Variants in FGD5 observed in about 807,000 individuals in gnomAD.
FGD5 encodes FYVE, RhoGEF and PH domain containing 5.
FGD5 carries 28 observed loss-of-function variants against 133.4 expected under a neutral mutation model. The ratio of observed to expected loss-of-function variants is 0.21; its 90% CI spans 0.16 to 0.29. FGD5 has a LOEUF of 0.29. Ranked by LOEUF, FGD5 falls within the 10% of genes least tolerant of loss-of-function variation. FGD5 has a pLI of 1.00. For synonymous variants in FGD5, 810 were observed against 776.5 expected (o/e 1.04, Z -0.72); for missense variants, 1,858 against 1,895.2 (o/e 0.98, Z 0.36).
intron 2 of FGD5, among the ~76,000 whole-genome samples, chr3:14,868,438 G>C (rs2037540062): frequency 6.6e-6 from 1 of 152,238 alleles, no homozygotes; most frequent in African/African-American, 2.4e-5. Flanking sequence ...GGTGTCCCTG[G>C]TCCTTGCACC....
rs1477448609 is a variant in FGD5, at chr3:14,934,252, A to G, written c.*1085A>G. ...AGAAGTCGTGGCCTGAGGCTGTTCT[A>G]TGGGCACTTGGGGCTAAATCGCCTC... On this transcript the variant is annotated 3_prime_UTR_variant, in exon 20 of 20. Coordinates refer to ENST00000285046, the MANE Select transcript of FGD5 (RefSeq NM_152536.4). The G allele has an allele frequency of 3.9e-5, 6 of 152,300 alleles. No individual in the cohort carries two copies. The highest frequency in any genetic ancestry group is 2.1e-4 in the South Asian group (1 of 4,826). 9.4% of individuals were successfully genotyped at this position (152,300 alleles called of 1,614,324 possible).
In FGD5 at chr3:14,923,133, G is replaced by A. The variant is rs775857980; in HGVS notation, c.3895G>A (p.Glu1299Lys). Residue 1299 changes from glutamate to lysine, a missense_variant, in exon 16 of 20, where the codon GAG becomes AAG. By Grantham distance (56) the Glu-to-Lys change is moderately conservative. This residue lies in a region of FGD5 where 1,824 missense variants were observed against 1,848.9 expected (regional missense o/e 0.99). Transcript: ENST00000285046. ...MAKVCDGCFG[E>K]LKKRGRAVPG... is the part of the protein sequence containing the mutation. The stretch of plus-strand genomic sequence containing the variant: ...CAAGGTCTGCGACGGCTGCTTCGGG[G>A]AGCTGAAGAAGCGGGGCAGGGCTGT... 2 of 1,613,802 alleles carry A rather than the reference G, an allele frequency of 1.2e-6. No homozygotes were observed. Among genetic ancestry groups the A allele is most frequent in the Non-Finnish European group, 1.7e-6 (2 of 1,179,852 alleles).
At chr3:14,837,028 A>G (rs1474784123) in intron 1 of FGD5, among the ~76,000 whole-genome samples, 1 of 152,170 alleles carries the variant, frequency 6.6e-6, no homozygotes, top group African/African-American at 2.4e-5. Flanking sequence ...GACCAAGGAC[A>G]CACACACAGT....
chr3:14,915,637 G>A (rs896758528), intron 11 of FGD5, among the ~76,000 whole-genome samples: 3 of 151,930 alleles, frequency 2.0e-5, no homozygotes, highest in African/African-American at 7.3e-5. Flanking sequence ...ATATGTCCGG[G>A]GCTCACCCTA....
chr3:14,898,086 T>G lies in FGD5; in HGVS notation c.3057T>G (p.Arg1019=). The part of the protein sequence containing the change: ...LHSPRLAAAV[R]EFEQSVQGGS... ...CTCCCCGGCTGGCAGCTGCTGTCCGTGAATTTGAGGTGGGTCCCTTGGTCC... is the reference window on the plus strand; with the variant it reads ...CTCCCCGGCTGGCAGCTGCTGTCCGGGAATTTGAGGTGGGTCCCTTGGTCC... Residue 1019 remains arginine, a synonymous_variant, in exon 6 of 20, where the codon CGT becomes CGG. Transcript: ENST00000285046. 1.2e-6 allele frequency: 2 copies of G among 1,613,992 alleles called. No individual in the cohort carries two copies. Among genetic ancestry groups the G allele is most frequent in the Non-Finnish European group, 1.7e-6 (2 of 1,179,890 alleles).
chr3:14,873,550 G>A (rs1412537291), intron 2 of FGD5, among the ~76,000 whole-genome samples: 2 of 152,100 alleles, frequency 1.3e-5, no homozygotes, highest in African/African-American at 2.4e-5. Flanking sequence ...GATGGGGAGG[G>A]CTGTGTCTTG....
intron 4 of FGD5, among the ~76,000 whole-genome samples, chr3:14,896,482 T>C (rs1035218412): frequency 1.1e-4 from 17 of 151,974 alleles, no homozygotes; most frequent in African/African-American, 4.1e-4. Context: ...TTTTTTTTTT[T>C]TTTTTGAGAC....
chr3:14,890,872 T>G (rs1189323331), intron 4 of FGD5, among the ~76,000 whole-genome samples: 1 of 152,230 alleles, frequency 6.6e-6, no homozygotes, highest in Non-Finnish European at 1.5e-5. Context: ...AAAGCAGTTG[T>G]AATCATCAGG....
intron 1 of FGD5, among the ~76,000 whole-genome samples, chr3:14,851,226 A>G (rs1213748309): frequency 6.6e-6 from 1 of 152,190 alleles, no homozygotes; most frequent in Non-Finnish European, 1.5e-5. Context: ...CACAGGTCGT[A>G]TACCTCATTT....
rs560814620 is a variant in FGD5, at chr3:14,864,664, G to A, written c.2658+404G>A. On this transcript the variant is annotated intron_variant, in intron 2 of 19. Transcript: ENST00000285046. ...GTGTTAAAGGCTATCAGGGAATTTT[G>A]TGAACTGAAAAGTTTTAGATGAAAG... is the stretch of plus-strand genomic sequence containing the variant. Among the ~76,000 whole-genome samples the A allele has an allele frequency of 2.6e-4, 39 of 152,346 alleles. No individual in the cohort carries two copies. In the South Asian group the frequency reaches 8.1e-3, roughly 32 times the overall value.
At chr3:14,844,473 G>T (rs2125088656) in intron 1 of FGD5, among the ~76,000 whole-genome samples, 1 of 151,054 alleles carries the variant, frequency 6.6e-6, no homozygotes, top group East Asian at 2.0e-4. Flanking sequence ...GGAATCTTGG[G>T]GCCAAGCTGA....
At position 14,923,080 on chromosome 3, in the gene FGD5, C is replaced by G; in HGVS notation, c.3842C>G (p.Pro1281Arg). Residue 1281 changes from proline to arginine, a missense_variant, in exon 16 of 20, where the codon CCG becomes CGG. By Grantham distance (103) the Pro-to-Arg change is moderately radical. Coordinates refer to ENST00000285046, the MANE Select transcript of FGD5 (RefSeq NM_152536.4). Reference protein sequence around the residue: ...VCRNCSRNKYPLKYLKDRMAK... With the variant: ...VCRNCSRNKYRLKYLKDRMAK... ...CGGAACTGTTCGCGGAACAAGTACC[C>G]GCTGAAGTACCTGAAGGACAGGATG... is the stretch of plus-strand genomic sequence containing the variant. 1 of 1,613,844 alleles carries G rather than the reference C, an allele frequency of 6.2e-7. No individual in the cohort carries two copies. The highest frequency in any genetic ancestry group is 8.5e-7 in the Non-Finnish European group (1 of 1,179,862).
intron 1 of FGD5, among the ~76,000 whole-genome samples, chr3:14,812,158 A>G (rs565302569): frequency 7.7e-4 from 117 of 152,318 alleles, no homozygotes; most frequent in African/African-American, 2.7e-3. Flanking sequence ...GCCACCTTCC[A>G]TGTCCAGGCC....
chr3:14,870,725 A>G (rs1305739514), intron 2 of FGD5, among the ~76,000 whole-genome samples: 1 of 152,110 alleles, frequency 6.6e-6, no homozygotes, highest in Non-Finnish European at 1.5e-5. Flanking sequence ...GCCTGACCCC[A>G]GACTTGAGCT....
chr3:14,847,927 G>C (rs909440519), intron 1 of FGD5, among the ~76,000 whole-genome samples: 2 of 152,182 alleles, frequency 1.3e-5, no homozygotes, highest in African/African-American at 4.8e-5. Context: ...GGGGGCATTG[G>C]GCTCCCCAGC....
At chr3:14,862,123 C>G (rs115847104) in intron 1 of FGD5, among the ~76,000 whole-genome samples, 1 of 152,112 alleles carries the variant, frequency 6.6e-6, no homozygotes, top group East Asian at 1.9e-4. Context: ...AGGAGACACT[C>G]GGGTTTCTGG....
Position 14,917,805 on chromosome 3 carries a change from G to A in FGD5, c.3489+473G>A, listed in dbSNP as rs1481818667. Among the ~76,000 whole-genome samples, 1 of 152,080 alleles carries A rather than the reference G, an allele frequency of 6.6e-6. No individual in the cohort carries two copies. The highest frequency in any genetic ancestry group is 6.5e-5 in the Admixed American group (1 of 15,270). ...TTTCCTCTCCCCAGACTGAAACTCT[G>A]CCCACATTAAAAACCAACTCTCCAT... On this transcript the variant is annotated intron_variant, in intron 12 of 19. Coordinates refer to ENST00000285046, the MANE Select transcript of FGD5 (RefSeq NM_152536.4). This position sits in a 1 kb window ranked among gnomAD's most constrained non-coding sequence, Gnocchi z 4.1.
intron 9 of FGD5, among the ~76,000 whole-genome samples, chr3:14,902,643 G>A (rs897608653): frequency 1.3e-5 from 2 of 152,164 alleles, no homozygotes; most frequent in Admixed American, 6.5e-5. Context: ...CTCTCACTCT[G>A]CTCTGCACTG....
chr3:14,838,869 A>G (rs1363659181), intron 1 of FGD5, among the ~76,000 whole-genome samples: 2 of 152,154 alleles, frequency 1.3e-5, no homozygotes, highest in African/African-American at 2.4e-5. Context: ...AGAAAATGCA[A>G]TAGAACCAGC....
Sources: gnomAD v4.1 joint callset for allele counts (sites outside exome capture counted in the v4.1 genomes callset) on GRCh38, gnomAD v4.1.1 for gene constraint, gnomAD v4.1.1 regional missense constraint, Gnocchi (gnomAD v3.1) non-coding constraint, MANE v1.5 for transcripts, NCBI Gene and HGNC (gene_info 2026-07-23, HGNC 2026-07-21) for gene names.